The following LONRF1 variants were observed in gnomAD, a reference collection of about 807,000 sequenced individuals.
LONRF1 encodes the protein LON peptidase N-terminal domain and ring finger 1, also known as LON peptidase N-terminal domain and RING finger protein 1.
In LONRF1, 37 loss-of-function variants were observed where a neutral mutation model predicts 85.8. That is an observed-to-expected ratio of 0.43 (90% CI 0.33 to 0.57). The LOEUF (loss-of-function observed/expected upper bound fraction) is 0.57. LONRF1 is among the 20% of genes least tolerant of loss of function. The pLI is 0.04. For missense variants in LONRF1, 1,036 were observed against 978.0 expected, an observed-to-expected ratio of 1.06 and a Z score of -0.79; for synonymous variants, 517 against 390.1, an observed-to-expected ratio of 1.33 and a Z score of -3.83.
intron 1 of LONRF1, among the ~76,000 whole-genome samples, chr8:12,750,017 G>C (rs139146090): frequency 6.6e-6 from 1 of 152,254 alleles, no homozygotes; most frequent in South Asian, 2.1e-4. Context: ...TATGTTTTGC[G>C]TGCTAATTTT....
chr8:12,724,412 C>G (rs182394096), intron 11 of LONRF1, among the ~76,000 whole-genome samples: 1 of 152,222 alleles, frequency 6.6e-6, no homozygotes, highest in African/African-American at 2.4e-5. Flanking sequence ...TTCAGAAGCA[C>G]GCTGTTGGCT....
rs1423620053 is a variant in LONRF1 at position 12,751,295 on chromosome 8, T to TG, written c.721+3404dup. On this transcript the variant is annotated intron_variant, in intron 1 of 11. Transcript: ENST00000398246. ...GTCAAGGATTATATTTTTATTTTTA[T>TG]GTTTTTTTTTTTTTTTTTTTTTTTT... is the stretch of plus-strand genomic sequence containing the variant. Among the ~76,000 whole-genome samples the TG allele has an allele frequency of 1.1e-3, 91 of 81,342 alleles. 4 individuals carry two copies. Among genetic ancestry groups the TG allele is most frequent in the East Asian group, 7.3e-3 (18 of 2,474 alleles). The allele number at this position is 81,342 out of a possible 152,430, so 53.4% of individuals were successfully genotyped here.
At chr8:12,739,600 C>T (rs1438887052) in intron 3 of LONRF1, among the ~76,000 whole-genome samples, 1 of 152,086 alleles carries the variant, frequency 6.6e-6, no homozygotes, top group Non-Finnish European at 1.5e-5. Flanking sequence ...CGTGTAAAAT[C>T]CATGCATTTT....
intron 10 of LONRF1, among the ~76,000 whole-genome samples, chr8:12,728,076 C>G (rs1471554133): frequency 6.6e-6 from 1 of 152,094 alleles, no homozygotes; most frequent in Non-Finnish European, 1.5e-5. Flanking sequence ...ATGCCAATAT[C>G]CAATAAATGC....
At chr8:12,726,052 G>C in intron 10 of LONRF1, 173 bp from the exon 11 acceptor site, 1 of 548,090 alleles carries the variant, frequency 1.8e-6, no homozygotes, top group Non-Finnish European at 3.1e-6. Flanking sequence ...GTCTCATATA[G>C]GGCTGACCAG....
Position 12,737,013 on chromosome 8 carries a change from T to A in LONRF1, c.1241A>T (p.Glu414Val). The A allele has an allele frequency of 6.2e-7, 1 of 1,613,700 alleles. No homozygotes were observed. The highest frequency in any genetic ancestry group is 1.1e-5 in the South Asian group (1 of 91,078). Residue 414 changes from glutamate (E) to valine (V), a missense_variant, in exon 5 of 12, where the codon GAA becomes GTA. Physicochemically the swap from Glu to Val is moderately radical, Grantham distance 121. Transcript: ENST00000398246. ...TTTTTCTTGAACTGACAGAACAGGT[T>A]CTGAGGACACTCTTTTTAAACAGTC... ...REDCLKRVSS[E>V]PVLSVQEKGV...
chr8:12,752,236 A>G (rs1287704610), intron 1 of LONRF1, among the ~76,000 whole-genome samples: 1 of 152,212 alleles, frequency 6.6e-6, no homozygotes, highest in Non-Finnish European at 1.5e-5. Flanking sequence ...ATACATGTCA[A>G]ATGCCTAGCT....
chr8:12,728,918 A>G lies in LONRF1; in HGVS notation c.1993T>C (p.Tyr665His). Residue 665 changes from tyrosine (Y) to histidine (H), a missense_variant, in exon 10 of 12, where the codon TAT becomes CAT. Physicochemically the swap from Tyr to His is moderately conservative, Grantham distance 83. Coordinates refer to ENST00000398246, the MANE Select transcript of LONRF1 (RefSeq NM_152271.5). ...KDGYCTADIE[Y>H]LEDVKVENED... ...TAAAATACCTTAACATCTTCCAGAT[A>G]TTCAATGTCGGCAGTGCAATATCCA... 3 of 1,613,928 alleles carry G rather than the reference A, an allele frequency of 1.9e-6. No individual in the cohort carries two copies. The highest frequency in any genetic ancestry group is 2.5e-6 in the Non-Finnish European group (3 of 1,179,822).
chr8:12,733,086 G>A (rs533229993), intron 7 of LONRF1, among the ~76,000 whole-genome samples: 19 of 152,258 alleles, frequency 1.2e-4, no homozygotes, highest in African/African-American at 4.3e-4. Flanking sequence ...ATCTGGGGTA[G>A]GGTCCAAGAA....
intron 1 of LONRF1, among the ~76,000 whole-genome samples, chr8:12,749,953 G>C (rs1799312685): frequency 6.6e-6 from 1 of 152,138 alleles, no homozygotes; most frequent in Admixed American, 6.5e-5. Context: ...ACAATGCCTG[G>C]TATATAGTAG....
chr8:12,725,521 A>T (rs1007576517), intron 11 of LONRF1, among the ~76,000 whole-genome samples: 1 of 152,100 alleles, frequency 6.6e-6, no homozygotes, highest in Admixed American at 6.6e-5. Flanking sequence ...GCTGACACGT[A>T]TTTCCAGCCT....
intron 1 of LONRF1, among the ~76,000 whole-genome samples, chr8:12,750,481 A>C (rs1344137116): frequency 6.6e-6 from 1 of 152,232 alleles, no homozygotes. Flanking sequence ...AAAATAGAAC[A>C]ATATAACAAT....
At chr8:12,742,531 T>C (rs1798976970) in intron 2 of LONRF1, among the ~76,000 whole-genome samples, 1 of 152,228 alleles carries the variant, frequency 6.6e-6, no homozygotes, top group Non-Finnish European at 1.5e-5. Flanking sequence ...TTTAAGAACC[T>C]ATTCTCTTTC....
At chr8:12,746,089 C>A (rs1256035980) in intron 1 of LONRF1, among the ~76,000 whole-genome samples, 2 of 152,138 alleles carry the variant, frequency 1.3e-5, no homozygotes, top group Non-Finnish European at 2.9e-5. Context: ...TTGTAAATGT[C>A]ACCTCCTATG....
At chr8:12,744,274 A>C (rs930164994) in intron 1 of LONRF1, among the ~76,000 whole-genome samples, 4 of 152,180 alleles carry the variant, frequency 2.6e-5, no homozygotes, top group Non-Finnish European at 5.9e-5. Flanking sequence ...TCACTTGAGC[A>C]ATTAATTTAG....
intron 1 of LONRF1, chr8:12,753,236 G>C (rs1206788309): frequency 2.6e-5 from 4 of 152,284 alleles, no homozygotes. Flanking sequence ...GAACTCTAAA[G>C]ATACTAAACA....
chr8:12,728,853 T>C (rs1798421669), intron 10 of LONRF1, 48 bp downstream of exon 10: 1 of 1,607,028 alleles, frequency 6.2e-7, no homozygotes, highest in Non-Finnish European at 8.5e-7. Context: ...TACCAATCCC[T>C]GGAACAGGAT....
intron 8 of LONRF1, 150 bp downstream of exon 8, chr8:12,731,586 T>C: frequency 3.3e-6 from 2 of 614,934 alleles, no homozygotes; most frequent in South Asian, 5.4e-5. Flanking sequence ...TGAACTTTTA[T>C]AAGATTCTGT....
chr8:12,729,799 G>A (rs1000933028), intron 8 of LONRF1, among the ~76,000 whole-genome samples: 1 of 152,082 alleles, frequency 6.6e-6, no homozygotes, highest in Non-Finnish European at 1.5e-5. Flanking sequence ...ATTTTCAAAC[G>A]CAAGGATAAG....
Sources: gnomAD v4.1 joint callset for allele counts (sites outside exome capture counted in the v4.1 genomes callset) on GRCh38, gnomAD v4.1.1 for gene constraint, MANE v1.5 for transcripts, NCBI Gene and HGNC (gene_info 2026-07-23, HGNC 2026-07-21) for gene names.